Variants in FSTL5 observed in about 807,000 individuals in gnomAD.
The protein encoded by FSTL5 is follistatin like 5.
A neutral mutation model predicts 89.1 loss-of-function variants in FSTL5; 62 were observed. That is an observed-to-expected ratio of 0.70 (90% CI 0.57 to 0.86). FSTL5 has a LOEUF of 0.86. Among genes scored for constraint, FSTL5 ranks in the 40% least tolerant of loss-of-function variants. The pLI is 0.00. For missense variants in FSTL5, 1,057 were observed against 1,001.6 expected, an observed-to-expected ratio of 1.06 and a Z score of -0.75; for synonymous variants, 383 against 346.2, an observed-to-expected ratio of 1.11 and a Z score of -1.18.
intron 15 of FSTL5, among the ~76,000 whole-genome samples, chr4:161,395,366 A>C (rs1327773073): frequency 1.3e-5 from 2 of 152,092 alleles, no homozygotes; most frequent in Non-Finnish European, 2.9e-5. Flanking sequence ...AATTGGAAAA[A>C]TGACTATTAG....
intron 4 of FSTL5, among the ~76,000 whole-genome samples, chr4:161,792,467 G>A (rs1258174964): frequency 6.6e-6 from 1 of 152,176 alleles, no homozygotes; most frequent in Non-Finnish European, 1.5e-5. Flanking sequence ...ATGGCCTGAA[G>A]CCTGGGGACT....
At chr4:162,009,496 G>A (rs185020365) in intron 3 of FSTL5, among the ~76,000 whole-genome samples, 1 of 151,898 alleles carries the variant, frequency 6.6e-6, no homozygotes, top group East Asian at 1.9e-4. Context: ...TAATGCAAAA[G>A]GCTACAATTA....
At chr4:161,570,683 T>A (rs186129233) in intron 8 of FSTL5, among the ~76,000 whole-genome samples, 12 of 152,302 alleles carry the variant, frequency 7.9e-5, no homozygotes, top group Non-Finnish European at 1.0e-4. Context: ...ACATCGTAGA[T>A]AAAATTGTGT....
intron 7 of FSTL5, among the ~76,000 whole-genome samples, chr4:161,604,856 C>CTTTT (rs781261655): frequency 3.9e-5 from 6 of 152,100 alleles, no homozygotes; most frequent in Non-Finnish European, 8.8e-5. Context: ...GGGAGCCTGC[C>CTTTT]TAAAAGAACA....
chr4:161,608,353 A>T (rs539266295), intron 7 of FSTL5, among the ~76,000 whole-genome samples: 15 of 152,258 alleles, frequency 9.9e-5, no homozygotes, highest in Admixed American at 5.9e-4. Flanking sequence ...CCTCGGTACC[A>T]ATGGTCAACA....
intron 3 of FSTL5, among the ~76,000 whole-genome samples, chr4:161,999,260 G>C (rs11940900): frequency 6.6e-6 from 1 of 151,948 alleles, no homozygotes; most frequent in Admixed American, 6.6e-5. Flanking sequence ...TGATTATGTG[G>C]ATAAATGCTA....
intron 7 of FSTL5, among the ~76,000 whole-genome samples, chr4:161,611,752 G>A (rs1734661784): frequency 6.6e-6 from 1 of 152,116 alleles, no homozygotes; most frequent in Admixed American, 6.5e-5. Flanking sequence ...GTGATAAAAG[G>A]TCTCTCTATC....
At chr4:161,459,408 G>T in intron 13 of FSTL5, 89 bp from the exon 14 acceptor site, 2 of 722,266 alleles carry the variant, frequency 2.8e-6, no homozygotes, top group East Asian at 2.7e-5. Context: ...TAATTTAGAT[G>T]TCAGATTAAA....
intron 4 of FSTL5, among the ~76,000 whole-genome samples, chr4:161,853,247 G>C (rs1306452997): frequency 6.6e-6 from 1 of 152,054 alleles, no homozygotes; most frequent in East Asian, 1.9e-4. Context: ...ATTAATAAAT[G>C]TTAAGTGACT....
intron 7 of FSTL5, among the ~76,000 whole-genome samples, chr4:161,644,978 T>G (rs2126672036): frequency 6.6e-6 from 1 of 152,294 alleles, no homozygotes; most frequent in South Asian, 2.1e-4. Context: ...CCAGACTTGG[T>G]TTTCTAGCTA....
At chr4:162,159,980 A>G (rs1375127476) in intron 1 of FSTL5, among the ~76,000 whole-genome samples, 5 of 148,548 alleles carry the variant, frequency 3.4e-5, no homozygotes, top group African/African-American at 9.9e-5. Flanking sequence ...AAAGTTATAT[A>G]TTGTATTACA....
At chr4:161,946,182 G>T (rs369517343) in intron 3 of FSTL5, among the ~76,000 whole-genome samples, 1 of 151,874 alleles carries the variant, frequency 6.6e-6, no homozygotes, top group Admixed American at 6.6e-5. Context: ...ATGTTCATTC[G>T]TTAACATTTT....
rs368464128 is a variant in FSTL5, at chr4:162,001,234, A to G, written c.160+32391T>C. Among the ~76,000 whole-genome samples, 17 of 152,260 alleles carry G rather than the reference A, an allele frequency of 1.1e-4. No homozygotes were observed. The South Asian group carries it at 2.9e-3, about 26-fold the overall frequency. ...CTCTTTATCCCATTCCATTTTTATG[A>G]TATTCTTATAAGGTAATTGATATTA... On this transcript the variant is annotated intron_variant, in intron 3 of 15. Coordinates refer to ENST00000306100, the MANE Select transcript of FSTL5 (RefSeq NM_020116.5).
chr4:161,565,830 G>C (rs1036408234), intron 8 of FSTL5, among the ~76,000 whole-genome samples: 2 of 147,510 alleles, frequency 1.4e-5, no homozygotes. Flanking sequence ...TGGACACTTA[G>C]ATTGGTTCCA....
chr4:161,464,935 G>A lies in FSTL5; in HGVS notation c.1609-5616C>T, dbSNP rs375586829. ...TTTTACAGACACCTTATTTGTACGA[G>A]ACACAAATTTCAAAAATTTAATTTT... is the stretch of plus-strand genomic sequence containing the variant. On this transcript the variant is annotated intron_variant, in intron 13 of 15. Transcript: ENST00000306100. Among the ~76,000 whole-genome samples, 32 of 152,154 alleles carry A rather than the reference G, an allele frequency of 2.1e-4. No homozygotes were observed. In the South Asian group the frequency reaches 5.6e-3, roughly 27 times the overall value.
chr4:161,606,561 T>G (rs1014942879), intron 7 of FSTL5, among the ~76,000 whole-genome samples: 5 of 152,140 alleles, frequency 3.3e-5, no homozygotes, highest in Admixed American at 2.6e-4. Flanking sequence ...GTCATGTATG[T>G]AGCAAAAACT....
At chr4:161,536,310 T>C (rs575000442) in intron 10 of FSTL5, among the ~76,000 whole-genome samples, 74 of 152,244 alleles carry the variant, frequency 4.9e-4, no homozygotes, top group African/African-American at 1.7e-3. Context: ...AAATGTGCCA[T>C]GTATATCTAA....
chr4:161,939,322 T>A (rs549289711), intron 3 of FSTL5, among the ~76,000 whole-genome samples: 214 of 152,116 alleles, frequency 1.4e-3, no homozygotes, highest in African/African-American at 5.0e-3. Flanking sequence ...AAAAGGCATA[T>A]TTTTGCTTAT....
At chr4:161,854,729 TATA>T (rs1268724371) in intron 4 of FSTL5, among the ~76,000 whole-genome samples, 1 of 152,100 alleles carries the variant, frequency 6.6e-6, no homozygotes, top group Non-Finnish European at 1.5e-5. Context: ...GTACAAAATA[TATA>T]ATAAGGGATG....
Sources: gnomAD v4.1 joint callset for allele counts (sites outside exome capture counted in the v4.1 genomes callset) on GRCh38, gnomAD v4.1.1 for gene constraint, MANE v1.5 for transcripts, NCBI Gene and HGNC (gene_info 2026-07-23, HGNC 2026-07-21) for gene names.